PHF19: variants seen among roughly 807,000 people sequenced by gnomAD.
PHF19 encodes the protein PHD finger protein 19.
A neutral mutation model predicts 79.8 loss-of-function variants in PHF19; 21 were observed. The ratio of observed to expected loss-of-function variants is 0.26; its 90% CI spans 0.19 to 0.38. PHF19 has a LOEUF of 0.38. Among genes scored for constraint, PHF19 ranks in the 10% least tolerant of loss-of-function variants. PHF19 has a pLI of 1.00. For missense variants in PHF19, 445 were observed against 744.2 expected, an observed-to-expected ratio of 0.60 and a Z score of 4.68; for synonymous variants, 273 against 296.3, an observed-to-expected ratio of 0.92 and a Z score of 0.81.
rs917987616 is a variant in PHF19, at chr9:120,869,439, G to T, written c.466-109C>A. 7.3e-6 allele frequency: 10 copies of T among 1,369,720 alleles called. No individual in the cohort carries two copies. In the African/African-American group the frequency reaches 1.2e-4, roughly 16 times the overall value. 84.8% of individuals were successfully genotyped at this position (1,369,720 alleles called of 1,614,324 possible). A position where few individuals can be genotyped will look rare whatever the true frequency, so the allele number is the denominator to read the frequency against. On this transcript the variant is annotated intron_variant, in intron 5 of 14. Coordinates refer to ENST00000373896, the MANE Select transcript of PHF19 (RefSeq NM_015651.3). This position sits in a 1 kb window ranked among gnomAD's most constrained non-coding sequence, Gnocchi z 5.8. ...GCTGCCAGGGCTTGGGGGACCCGCA[G>T]ATATTCCAATATAGTCAGAAAAGCA...
chr9:120,869,556 G>A lies in PHF19; in HGVS notation c.466-226C>T. 1 of 1,445,818 alleles carries A rather than the reference G, an allele frequency of 6.9e-7. No homozygotes were observed. Among genetic ancestry groups the A allele is most frequent in the East Asian group, 2.5e-5 (1 of 40,158 alleles). The allele number at this position is 1,445,818 out of a possible 1,614,324, so 89.6% of individuals were successfully genotyped here. On this transcript the variant is annotated intron_variant, in intron 5 of 14. Transcript: ENST00000373896. The surrounding 1 kb of genome is among the most constrained non-coding windows in gnomAD (Gnocchi z 5.8). The stretch of plus-strand genomic sequence containing the variant: ...AATTAAGAGTAATAAGCGCAATAAA[G>A]GCAACAATTACCAACATGTATTTAC...
At chr9:120,887,336 C>T (rs1041137268) in intron 1 of PHF19, among the ~76,000 whole-genome samples, 1 of 151,336 alleles carries the variant, frequency 6.6e-6, no homozygotes, top group African/African-American at 2.4e-5. Flanking sequence ...TGCCTGTAAT[C>T]CCAGCTACTT....
chr9:120,877,430 A>C (rs1326109925), upstream of PHF19: 13 of 856,420 alleles, frequency 1.5e-5, no homozygotes, highest in East Asian at 7.6e-4. Context: ...CAGCGCCGCC[A>C]GCCCCCGCCC....
Position 120,862,834 on chromosome 9 carries a change from C to T in PHF19, c.969-85G>A, listed in dbSNP as rs772136293. Reference sequence around the variant, plus strand: ...GTGGGGTCAAGCATGACACAAGCCTCTCTGCCTCCTTGGACCCAGAGCTAA... The same window carrying T: ...GTGGGGTCAAGCATGACACAAGCCTTTCTGCCTCCTTGGACCCAGAGCTAA... On this transcript the variant is annotated intron_variant, in intron 10 of 14. Transcript: ENST00000373896. The surrounding 1 kb of genome is among the most constrained non-coding windows in gnomAD (Gnocchi z 4.6). The T allele has an allele frequency of 2.6e-5, 33 of 1,284,032 alleles. No homozygotes were observed. The highest frequency in any genetic ancestry group is 3.7e-5 in the Non-Finnish European group (33 of 891,806). 79.5% of individuals were successfully genotyped at this position (1,284,032 alleles called of 1,614,324 possible). A position where few individuals can be genotyped will look rare whatever the true frequency, so the allele number is the denominator to read the frequency against.
chr9:120,870,769 G>A lies in PHF19; in HGVS notation c.269-231C>T, dbSNP rs190228924. On this transcript the variant is annotated intron_variant, in intron 3 of 14. Coordinates refer to ENST00000373896, the MANE Select transcript of PHF19 (RefSeq NM_015651.3). This position sits in a 1 kb window ranked among gnomAD's most constrained non-coding sequence, Gnocchi z 4.4. ...CCTTGCTTAGCTAGTAAGTAGGTGA[G>A]GGGGGGATTAAACCCATGGCTGTTT... 3.2e-4 allele frequency among the ~76,000 whole-genome samples: 49 copies of A among 152,308 alleles called. No individual in the cohort carries two copies. The highest frequency in any genetic ancestry group is 1.3e-4 in the Admixed American group (2 of 15,296).
At chr9:120,887,635 CACACACACACACACACAG>C (rs1236322687) in intron 1 of PHF19, among the ~76,000 whole-genome samples, 173 of 98,976 alleles carry the variant, frequency 1.7e-3, no homozygotes, top group South Asian at 9.4e-3. Context: ...CACACACACA[CACACACACACACACACAG>C]ACACACACAC....
At position 120,861,129 on chromosome 9, in the gene PHF19, T is replaced by C; in HGVS notation, c.1264A>G (p.Ile422Val). ...ATTTCATCCAGCGTGAAGTCAAATA[T>C]GCTAGCCAGGTGGTGGTTGGTGCTC... ...AWSTNHHLAS[I>V]FDFTLDEIQS... The change falls in exon 13 of 15, where the codon ATA becomes GTA. Residue 422 changes from isoleucine to valine, a missense_variant. This residue lies in a region of PHF19 where 125 missense variants were observed against 180.5 expected (regional missense o/e 0.69). Transcript: ENST00000373896. The C allele has an allele frequency of 1.9e-6, 3 of 1,611,858 alleles. No homozygotes were observed. Among genetic ancestry groups the C allele is most frequent in the Non-Finnish European group, 2.5e-6 (3 of 1,177,880 alleles).
chr9:120,889,809 A>G (rs10985079), intron 1 of PHF19, among the ~76,000 whole-genome samples: 63 of 151,066 alleles, frequency 4.2e-4, no homozygotes, highest in African/African-American at 1.0e-3. Context: ...GAAAGAAAGA[A>G]AGAGAAAGAA....
At position 120,862,569 on chromosome 9, in the gene PHF19, T is replaced by C. The variant is rs2045564680; in HGVS notation, c.1130+19A>G. The C allele has an allele frequency of 2.5e-6, 4 of 1,609,110 alleles. No homozygotes were observed. Among genetic ancestry groups the C allele is most frequent in the African/African-American group, 1.3e-5 (1 of 74,754 alleles). ...CGAGTTTGGCGGCAGCCCTGGCCCC[T>C]GGGTCCCCGAGCACTGACCCAGGCT... On this transcript the variant is annotated intron_variant, in intron 11 of 14. Coordinates refer to ENST00000373896, the MANE Select transcript of PHF19 (RefSeq NM_015651.3). This position sits in a 1 kb window ranked among gnomAD's most constrained non-coding sequence, Gnocchi z 4.6.
chr9:120,900,670 G>A, the PHF19 span, among the ~76,000 whole-genome samples: 6 of 152,234 alleles, frequency 3.9e-5, no homozygotes, highest in African/African-American at 1.4e-4. Context: ...GGGCTCAAGG[G>A]ATCCTCCTAT....
upstream of PHF19, chr9:120,894,965 A>C: frequency 2.6e-6 from 1 of 382,256 alleles, no homozygotes; most frequent in Non-Finnish European, 4.5e-6. Context: ...CTCCACCAAA[A>C]ATCGATGGGA....
At chr9:120,880,436 A>G (rs1441380968), upstream of PHF19, among the ~76,000 whole-genome samples, 1 of 152,202 alleles carries the variant, frequency 6.6e-6, no homozygotes, top group African/African-American at 2.4e-5. Context: ...TGGAGGTTGC[A>G]TTGAGCGAAA....
At position 120,874,098 on chromosome 9, in the gene PHF19, TG is replaced by T; in HGVS notation, c.187-39del. On this transcript the variant is annotated intron_variant, in intron 2 of 14. Coordinates refer to ENST00000373896, the MANE Select transcript of PHF19 (RefSeq NM_015651.3). This position sits in a 1 kb window ranked among gnomAD's most constrained non-coding sequence, Gnocchi z 4.5. ...TAGGAAGGAGCAAGTGAGAAAGGGC[TG>T]GGGAAAAGCCAACCTGGAACATAGT... 8.5e-7 allele frequency: 1 copy of T among 1,177,448 alleles called. No homozygotes were observed. The highest frequency in any genetic ancestry group is 1.3e-6 in the Non-Finnish European group (1 of 794,886). 72.9% of individuals were successfully genotyped at this position (1,177,448 alleles called of 1,614,324 possible).
At position 120,860,897 on chromosome 9, in the gene PHF19, TGGGGAGGGCTGGAGAAGA is replaced by T; in HGVS notation, c.1304+174_1304+191del. On this transcript the variant is annotated intron_variant, in intron 13 of 14. Coordinates refer to ENST00000373896, the MANE Select transcript of PHF19 (RefSeq NM_015651.3). This position sits in a 1 kb window ranked among gnomAD's most constrained non-coding sequence, Gnocchi z 4.1. Reference sequence around the variant, plus strand: ...GAGTGTGGATAACCATGGGGCAAGGTGGGGAGGGCTGGAGAAGAGGGGAGGGCTGTGGTGCTCTGGGAA... The same window carrying T: ...GAGTGTGGATAACCATGGGGCAAGGTGGGGAGGGCTGTGGTGCTCTGGGAA... The T allele has an allele frequency of 1.8e-6, 1 of 560,182 alleles. No homozygotes were observed. The highest frequency in any genetic ancestry group is 3.2e-6 in the Non-Finnish European group (1 of 307,696). The allele number at this position is 560,182 out of a possible 1,614,324, so 34.7% of individuals were successfully genotyped here.
At chr9:120,897,037 C>T (rs1279921502), upstream of PHF19, among the ~76,000 whole-genome samples, 5 of 152,250 alleles carry the variant, frequency 3.3e-5, no homozygotes, top group African/African-American at 4.8e-5. Context: ...CAAGCCCCAG[C>T]GCTGCCACCT....
At position 120,874,242 on chromosome 9, in the gene PHF19, C is replaced by T. The variant is rs903732173; in HGVS notation, c.187-182G>A. On this transcript the variant is annotated intron_variant, in intron 2 of 14. Transcript: ENST00000373896. This position sits in a 1 kb window ranked among gnomAD's most constrained non-coding sequence, Gnocchi z 4.5. The stretch of plus-strand genomic sequence containing the variant: ...CACCTGGAGTCGTACAGCCAGGGAC[C>T]GATGGATGGCAACTTGGTCAGAATG... Among the ~76,000 whole-genome samples, 7 of 152,124 alleles carry T rather than the reference C, an allele frequency of 4.6e-5. No homozygotes were observed. Among genetic ancestry groups the T allele is most frequent in the African/African-American group, 7.2e-5 (3 of 41,402 alleles).
At chr9:120,859,614 A>G (rs1044012078) in intron 14 of PHF19, among the ~76,000 whole-genome samples, 1 of 152,072 alleles carries the variant, frequency 6.6e-6, no homozygotes, top group Non-Finnish European at 1.5e-5. Flanking sequence ...ACCCTGCAGG[A>G]TGCCATCTTC....
At chr9:120,899,172 C>A (rs1223193286), upstream of PHF19, among the ~76,000 whole-genome samples, 8 of 148,096 alleles carry the variant, frequency 5.4e-5, no homozygotes, top group Non-Finnish European at 1.0e-4. Context: ...GCACTCCAGC[C>A]TGGGCGACAC....
upstream of PHF19, among the ~76,000 whole-genome samples, chr9:120,895,469 G>GAA (rs77732593): frequency 1.9e-5 from 2 of 103,154 alleles, no homozygotes; most frequent in Non-Finnish European, 4.1e-5. Flanking sequence ...TGTCTCAAAA[G>GAA]AAAAAAAAAA....
Sources: allele counts gnomAD v4.1 joint callset (sites outside exome capture counted in the v4.1 genomes callset), GRCh38; gene constraint gnomAD v4.1.1; regional missense constraint gnomAD v4.1.1; non-coding constraint Gnocchi (gnomAD v3.1); transcripts MANE v1.5; gene names NCBI Gene and HGNC (gene_info 2026-07-23, HGNC 2026-07-21).